The following CHODL variants were observed in gnomAD, a reference collection of about 807,000 sequenced individuals.
CHODL encodes the protein transmembrane protein MT75.
In CHODL, 29 loss-of-function variants were observed where a neutral mutation model predicts 34.5. That is an observed-to-expected ratio of 0.84 (90% CI 0.63 to 1.15). The LOEUF is 1.15. CHODL is among the 50% of genes most tolerant of loss of function. The pLI, the probability that CHODL is intolerant of heterozygous loss-of-function variation, is 0.00. For missense variants in CHODL, 332 were observed against 332.5 expected (o/e 1.00, Z 0.01); for synonymous variants, 125 against 116.1 (o/e 1.08, Z -0.49).
intron 2 of CHODL, among the ~76,000 whole-genome samples, chr21:18,138,706 C>A: frequency 6.6e-6 from 1 of 152,102 alleles, no homozygotes; most frequent in Non-Finnish European, 1.5e-5. Flanking sequence ...CTGCAGCCAG[C>A]GACTTATTAG....
At chr21:18,028,315 C>T (rs886089118) in intron 2 of CHODL, among the ~76,000 whole-genome samples, 1 of 140,876 alleles carries the variant, frequency 7.1e-6, no homozygotes, top group East Asian at 2.2e-4. Flanking sequence ...TCCTTCCTTC[C>T]TTCCTTCCTT....
At chr21:18,093,695 G>C (rs954267789) in intron 2 of CHODL, among the ~76,000 whole-genome samples, 2 of 152,054 alleles carry the variant, frequency 1.3e-5, no homozygotes, top group Non-Finnish European at 2.9e-5. Flanking sequence ...ACAGTATTTG[G>C]AAGTCTTGTA....
chr21:18,185,766 C>T (rs1355792035), intron 2 of CHODL, among the ~76,000 whole-genome samples: 2 of 152,156 alleles, frequency 1.3e-5, no homozygotes, highest in Admixed American at 6.5e-5. Flanking sequence ...AAGATCAAGG[C>T]ACCAACAGAT....
chr21:17,940,212 T>G (rs1339241638), intron 1 of CHODL, among the ~76,000 whole-genome samples: 1 of 152,234 alleles, frequency 6.6e-6, no homozygotes, highest in Non-Finnish European at 1.5e-5. Context: ...CAACTGCAGC[T>G]CATATCTATA....
chr21:18,153,748 T>TTATATA (rs60907444), intron 2 of CHODL, among the ~76,000 whole-genome samples: 18 of 151,986 alleles, frequency 1.2e-4, no homozygotes, highest in African/African-American at 4.1e-4. Flanking sequence ...GGACTATGTT[T>TTATATA]TATATATATA....
At chr21:17,952,753 C>T (rs2063468804) in intron 1 of CHODL, among the ~76,000 whole-genome samples, 1 of 152,202 alleles carries the variant, frequency 6.6e-6, no homozygotes, top group South Asian at 2.1e-4. Flanking sequence ...GGTATTTGTC[C>T]ATTCTCTCAC....
intron 1 of CHODL, among the ~76,000 whole-genome samples, chr21:17,944,171 AG>A (rs1423783556): frequency 6.6e-6 from 1 of 152,136 alleles, no homozygotes; most frequent in African/African-American, 2.4e-5. Context: ...AGCAAAGCAA[AG>A]GGCTACATTG....
At chr21:18,204,012 A>C (rs1258352630) in intron 2 of CHODL, among the ~76,000 whole-genome samples, 1 of 152,178 alleles carries the variant, frequency 6.6e-6, no homozygotes, top group Admixed American at 6.5e-5. Context: ...AAATAACCTA[A>C]CATAGTGTCT....
intron 1 of CHODL, among the ~76,000 whole-genome samples, chr21:17,973,740 T>A (rs2063638127): frequency 6.6e-6 from 1 of 151,688 alleles, no homozygotes; most frequent in African/African-American, 2.4e-5. Context: ...TCTCTAAGGA[T>A]TCTGTTCTAA....
chr21:18,094,826 A>T (rs2065119195), intron 2 of CHODL, among the ~76,000 whole-genome samples: 2 of 151,840 alleles, frequency 1.3e-5, no homozygotes, highest in African/African-American at 4.8e-5. Flanking sequence ...CAAAATTAGT[A>T]ACAGAAAAAA....
At chr21:17,928,441 C>T (rs1447398252) in intron 1 of CHODL, among the ~76,000 whole-genome samples, 1 of 152,114 alleles carries the variant, frequency 6.6e-6, no homozygotes. Context: ...CTTGAGGTGA[C>T]TCCTAAAGTA....
chr21:18,200,795 A>C (rs2073642460), intron 2 of CHODL, among the ~76,000 whole-genome samples: 1 of 152,174 alleles, frequency 6.6e-6, no homozygotes, highest in Non-Finnish European at 1.5e-5. Context: ...AAATCCGATG[A>C]CTTGTATACT....
chr21:17,959,468 A>G (rs933752935), intron 1 of CHODL, among the ~76,000 whole-genome samples: 10 of 152,228 alleles, frequency 6.6e-5, no homozygotes, highest in African/African-American at 1.4e-4. Context: ...TGGAAATTCT[A>G]TACTCTGACT....
At chr21:18,009,663 A>C (rs1029362159) in intron 1 of CHODL, among the ~76,000 whole-genome samples, 1 of 152,032 alleles carries the variant, frequency 6.6e-6, no homozygotes, top group Non-Finnish European at 1.5e-5. Context: ...CCAAGGCGGG[A>C]GGATCACAAG....
chr21:18,171,265 G>A (rs1377228254), intron 2 of CHODL, among the ~76,000 whole-genome samples: 2 of 115,570 alleles, frequency 1.7e-5, no homozygotes, highest in Admixed American at 1.2e-4. Context: ...GGACTGCAGC[G>A]GCGCAATCTC....
chr21:18,033,639 G>GT (rs1343135513), intron 2 of CHODL, among the ~76,000 whole-genome samples: 3 of 152,004 alleles, frequency 2.0e-5, no homozygotes, highest in African/African-American at 4.8e-5. Flanking sequence ...AAATGTGGGA[G>GT]TAACAGCCCA....
intron 2 of CHODL, among the ~76,000 whole-genome samples, chr21:18,098,827 T>C (rs1409992848): frequency 1.3e-5 from 2 of 152,072 alleles, no homozygotes; most frequent in Non-Finnish European, 2.9e-5. Flanking sequence ...ACCAACCTTA[T>C]TGTCCATCAA....
At chr21:18,260,973 GT>G (rs1435546028) in intron 4 of CHODL, among the ~76,000 whole-genome samples, 1 of 152,186 alleles carries the variant, frequency 6.6e-6, no homozygotes, top group Admixed American at 6.5e-5. Flanking sequence ...GCTGGTAAAT[GT>G]TTAGGGATTG....
chr21:18,118,342 C>T (rs2065438119), intron 2 of CHODL, among the ~76,000 whole-genome samples: 1 of 152,052 alleles, frequency 6.6e-6, no homozygotes, highest in Non-Finnish European at 1.5e-5. Context: ...CACTCAAAGA[C>T]AGTAGGTAAT....
Sources: allele counts gnomAD v4.1 joint callset (sites outside exome capture counted in the v4.1 genomes callset), GRCh38; gene constraint gnomAD v4.1.1; transcripts MANE v1.5; gene names NCBI Gene and HGNC (gene_info 2026-07-23, HGNC 2026-07-21).